The following PIAS1 variants were observed in gnomAD, a reference collection of about 807,000 sequenced individuals.
PIAS1 encodes the protein protein inhibitor of activated STAT 1, also known as E3 SUMO-protein ligase PIAS1.
A neutral mutation model predicts 71.3 loss-of-function variants in PIAS1; 6 were observed. That is an observed-to-expected ratio of 0.08 (90% CI 0.05 to 0.17). The LOEUF (loss-of-function observed/expected upper bound fraction) is 0.17, where lower values mean the gene tolerates loss of function less well. Ranked by LOEUF, PIAS1 falls within the 10% of genes least tolerant of loss-of-function variation. The pLI is 1.00. For synonymous variants in PIAS1, 303 were observed against 292.9 expected (o/e 1.03, Z -0.35); for missense variants, 555 against 793.6 (o/e 0.70, Z 3.61).
intron 1 of PIAS1, among the ~76,000 whole-genome samples, chr15:68,062,330 T>C (rs1469433428): frequency 6.6e-6 from 1 of 152,182 alleles, no homozygotes; most frequent in Non-Finnish European, 1.5e-5. Flanking sequence ...TGTATTCTTA[T>C]TTGGGTGGGC....
intron 2 of PIAS1, among the ~76,000 whole-genome samples, chr15:68,090,902 G>A (rs1040858477): frequency 6.9e-6 from 1 of 145,418 alleles, no homozygotes; most frequent in Admixed American, 6.9e-5. Context: ...TACTTCTGTG[G>A]TATTCTTTTT....
intron 2 of PIAS1, among the ~76,000 whole-genome samples, chr15:68,098,184 T>C: frequency 6.6e-6 from 1 of 152,258 alleles, no homozygotes; most frequent in African/African-American, 2.4e-5. Context: ...TCCAAAACTT[T>C]ACTATAACCT....
At chr15:68,116,076 T>A (rs959594898) in intron 2 of PIAS1, among the ~76,000 whole-genome samples, 2 of 152,108 alleles carry the variant, frequency 1.3e-5, no homozygotes, top group African/African-American at 4.8e-5. Context: ...CTTTTCCATT[T>A]TTTTTTGGCG....
intron 2 of PIAS1, among the ~76,000 whole-genome samples, chr15:68,117,396 A>G (rs747693365): frequency 2.0e-5 from 3 of 152,092 alleles, no homozygotes; most frequent in Non-Finnish European, 4.4e-5. Flanking sequence ...CCTTCTTGCT[A>G]TTTTGAAATA....
intron 2 of PIAS1, among the ~76,000 whole-genome samples, chr15:68,122,412 A>G (rs1204046987): frequency 1.3e-5 from 2 of 152,184 alleles, no homozygotes; most frequent in Admixed American, 6.5e-5. Flanking sequence ...TGTGAGCCAG[A>G]AGGGAGGAAT....
intron 1 of PIAS1, among the ~76,000 whole-genome samples, chr15:68,069,888 A>G (rs528194603): frequency 6.6e-6 from 1 of 151,704 alleles, no homozygotes; most frequent in East Asian, 1.9e-4. Context: ...ACCTTTCCAT[A>G]TTTGAATTTT....
At position 68,093,250 on chromosome 15, in the gene PIAS1, C is replaced by G. The variant is rs529971471; in HGVS notation, c.469+6500C>G. ...TGAAAACAGCAACTTTCTTTTTAGA[C>G]TTACATTTTAGCAGCTTTTGTAATA... On this transcript the variant is annotated intron_variant, in intron 2 of 13. Transcript: ENST00000249636. Among the ~76,000 whole-genome samples, 27 of 152,300 alleles carry G rather than the reference C, an allele frequency of 1.8e-4. No individual in the cohort carries two copies. The South Asian group carries it at 3.9e-3, about 22-fold the overall frequency.
chr15:68,137,471 A>G (rs957724017), intron 2 of PIAS1, among the ~76,000 whole-genome samples: 1 of 152,174 alleles, frequency 6.6e-6, no homozygotes, highest in Non-Finnish European at 1.5e-5. Flanking sequence ...AGCAGTTACA[A>G]TAAGAGGATA....
intron 2 of PIAS1, among the ~76,000 whole-genome samples, chr15:68,102,652 C>A (rs761403098): frequency 1.3e-5 from 2 of 151,902 alleles, no homozygotes; most frequent in Admixed American, 1.3e-4. Context: ...GTATATAGTT[C>A]CCACACTTGT....
intron 10 of PIAS1, 23 bp from the exon 11 acceptor site, chr15:68,176,451 G>C (rs201350808): frequency 4.6e-6 from 7 of 1,511,932 alleles, no homozygotes; most frequent in Non-Finnish European, 6.2e-6. Context: ...CCCTTGCCTT[G>C]TATTTTAATC....
At chr15:68,065,763 C>T (rs2092014034) in intron 1 of PIAS1, among the ~76,000 whole-genome samples, 2 of 102,068 alleles carry the variant, frequency 2.0e-5, no homozygotes, top group African/African-American at 8.2e-5. Context: ...TTTTTGGAGA[C>T]AGGGTCTCCC....
intron 2 of PIAS1, among the ~76,000 whole-genome samples, chr15:68,090,498 C>T (rs1372210736): frequency 2.7e-5 from 4 of 150,288 alleles, no homozygotes; most frequent in Non-Finnish European, 6.0e-5. Context: ...AGGCATTTAT[C>T]TATAAATCCC....
chr15:68,152,196 A>C (rs890324859), intron 6 of PIAS1, among the ~76,000 whole-genome samples: 2 of 151,764 alleles, frequency 1.3e-5, no homozygotes, highest in African/African-American at 4.8e-5. Context: ...TGACCTACCC[A>C]CCTCAGCCTC....
Position 68,176,754 on chromosome 15 carries a change from C to T in PIAS1, c.1481+100C>T, listed in dbSNP as rs2093022534. The T allele has an allele frequency of 5.9e-6, 5 of 842,086 alleles. No homozygotes were observed. The East Asian group carries it at 8.1e-5, about 14-fold the overall frequency. The allele number at this position is 842,086 out of a possible 1,614,324, so 52.2% of individuals were successfully genotyped here. A position where few individuals can be genotyped will look rare whatever the true frequency, so the allele number is the denominator to read the frequency against. On this transcript the variant is annotated intron_variant, in intron 11 of 13. Transcript: ENST00000249636. ...AATAAAATGATTCTTGATTGTGAAACTTAACTTAGCAATCAAAGAATAGTT... is the reference window on the plus strand; with the variant it reads ...AATAAAATGATTCTTGATTGTGAAATTTAACTTAGCAATCAAAGAATAGTT...
At chr15:68,101,910 C>T (rs147868093) in intron 2 of PIAS1, among the ~76,000 whole-genome samples, 222 of 152,152 alleles carry the variant, frequency 1.5e-3, no homozygotes, top group African/African-American at 5.1e-3. Context: ...GCCATCGCGC[C>T]CAACTAATTT....
chr15:68,143,792 C>G (rs2092788689), intron 4 of PIAS1, among the ~76,000 whole-genome samples: 1 of 152,058 alleles, frequency 6.6e-6, no homozygotes, highest in Non-Finnish European at 1.5e-5. Flanking sequence ...CTTCTGCCAT[C>G]CTCCTCTTCT....
intron 7 of PIAS1, among the ~76,000 whole-genome samples, chr15:68,157,827 C>G (rs1254053909): frequency 1.3e-5 from 2 of 152,138 alleles, no homozygotes; most frequent in Non-Finnish European, 2.9e-5. Context: ...TAGCTAACTA[C>G]CTTCACCTAA....
intron 2 of PIAS1, among the ~76,000 whole-genome samples, chr15:68,102,069 G>A (rs1225563927): frequency 6.6e-6 from 1 of 150,628 alleles, no homozygotes; most frequent in African/African-American, 2.5e-5. Context: ...CTTTAGATTT[G>A]GAGATTTTTT....
chr15:68,095,783 G>T (rs1365532113), intron 2 of PIAS1, among the ~76,000 whole-genome samples: 2 of 151,214 alleles, frequency 1.3e-5, no homozygotes. Flanking sequence ...TGCCCACCTC[G>T]GCCTCCCAAA....
Sources: allele counts gnomAD v4.1 joint callset (sites outside exome capture counted in the v4.1 genomes callset), GRCh38; gene constraint gnomAD v4.1.1; transcripts MANE v1.5; gene names NCBI Gene and HGNC (gene_info 2026-07-23, HGNC 2026-07-21).